MCM5: variants seen among roughly 807,000 people sequenced by gnomAD.
MCM5 encodes the protein DNA replication licensing factor MCM5.
Under a neutral mutation model 79.9 loss-of-function variants are expected in MCM5, and 46 were observed. The observed-to-expected ratio is 0.58, with a 90% CI of 0.45 to 0.74. The LOEUF (loss-of-function observed/expected upper bound fraction) is 0.74, where lower values mean the gene tolerates loss of function less well. MCM5 is among the 30% of genes least tolerant of loss of function. The pLI is 0.00. For missense variants in MCM5, 883 were observed against 1,017.0 expected (o/e 0.87, Z 1.79); for synonymous variants, 404 against 390.5 (o/e 1.03, Z -0.41).
At chr22:35,454,181 C>T in the MCM5 span, among the ~76,000 whole-genome samples, 33 of 152,250 alleles carry the variant, frequency 2.2e-4, no homozygotes, top group Admixed American at 7.8e-4. Flanking sequence ...CTCTCCCCAA[C>T]GCCTTCCCCT....
At chr22:35,410,129 C>G (rs1161774729) in intron 6 of MCM5, 2 of 157,234 alleles carry the variant, frequency 1.3e-5, no homozygotes, top group South Asian at 1.8e-4. Context: ...CGTCATCCCC[C>G]TAGGCTCAGA....
the MCM5 span, among the ~76,000 whole-genome samples, chr22:35,440,758 A>C: frequency 6.6e-6 from 1 of 152,166 alleles, no homozygotes; most frequent in Non-Finnish European, 1.5e-5. Flanking sequence ...CCCAGAGTCC[A>C]GTAAAAAGTA....
the MCM5 span, among the ~76,000 whole-genome samples, chr22:35,448,705 A>C: frequency 6.6e-6 from 1 of 152,178 alleles, no homozygotes; most frequent in Non-Finnish European, 1.5e-5. Context: ...CTATTATCAT[A>C]ATAATGCCAC....
At chr22:35,446,455 C>T in the MCM5 span, among the ~76,000 whole-genome samples, 1 of 152,146 alleles carries the variant, frequency 6.6e-6, no homozygotes, top group Non-Finnish European at 1.5e-5. Flanking sequence ...TGTCTAGTAC[C>T]CCCATCGCTG....
intron 15 of MCM5, chr22:35,422,286 G>C (rs1441035279): frequency 1.3e-5 from 2 of 153,316 alleles, no homozygotes; most frequent in African/African-American, 2.4e-5. Context: ...AAAGGAGGAC[G>C]TGCTCTTTCC....
chr22:35,403,532 G>A lies in MCM5; in HGVS notation c.413G>A (p.Arg138His), dbSNP rs140426201. Residue 138 changes from arginine (R) to histidine (H), a missense_variant, in exon 4 of 17, where the codon CGT becomes CAT. Physicochemically the swap from Arg to His is conservative, Grantham distance 29. Around this residue, in one of 3 missense-constraint regions of MCM5, gnomAD observed 455 missense variants for 517.5 expected, o/e 0.88. Transcript: ENST00000216122. ...LKSDASPSSIRSLKSDMMSHL... is the reference protein window; with the variant it reads ...LKSDASPSSIHSLKSDMMSHL... ...TCGGACGCCAGCCCTTCCAGCATTC[G>A]TAGCCTGAAGGTGGGTCGGAGGGCA... 127 of 1,613,642 alleles carry A rather than the reference G, an allele frequency of 7.9e-5. No homozygotes were observed. The highest frequency in any genetic ancestry group is 1.0e-4 in the Non-Finnish European group (121 of 1,180,030).
chr22:35,403,266 A>T lies in MCM5; in HGVS notation c.227A>T (p.Asp76Val), dbSNP rs756691015. ...GEYWIEVEMEDLASFDEDLAD... is the reference protein window; with the variant it reads ...GEYWIEVEMEVLASFDEDLAD... Reference sequence around the variant, plus strand: ...TACTGGATTGAGGTGGAGATGGAGGATCTGGCCAGCTTTGATGAGGACCTG... The same window carrying T: ...TACTGGATTGAGGTGGAGATGGAGGTTCTGGCCAGCTTTGATGAGGACCTG... The change falls in exon 3 of 17, where the codon GAT (aspartate) becomes GTT (valine). Residue 76 changes from aspartate to valine, a missense_variant. Around this residue, in one of 3 missense-constraint regions of MCM5, gnomAD observed 455 missense variants for 517.5 expected, o/e 0.88. Transcript: ENST00000216122. 1.2e-6 allele frequency: 2 copies of T among 1,614,054 alleles called. No individual in the cohort carries two copies. Among genetic ancestry groups the T allele is most frequent in the East Asian group, 2.2e-5 (1 of 44,876 alleles).
the MCM5 span, among the ~76,000 whole-genome samples, chr22:35,437,525 G>C: frequency 6.6e-6 from 1 of 152,220 alleles, no homozygotes; most frequent in South Asian, 2.1e-4. Context: ...ATCCAGCTAA[G>C]CCTGAAGGCA....
At chr22:35,431,596 T>C in the MCM5 span, among the ~76,000 whole-genome samples, 33 of 152,148 alleles carry the variant, frequency 2.2e-4, no homozygotes, top group Non-Finnish European at 2.9e-5. Context: ...CCTCCTGATA[T>C]AGGACTCATC....
the MCM5 span, among the ~76,000 whole-genome samples, chr22:35,446,700 C>T: frequency 6.6e-6 from 1 of 152,294 alleles, no homozygotes; most frequent in South Asian, 2.1e-4. Context: ...CCTCCCTCAA[C>T]TCTGCCCGCA....
chr22:35,430,942 G>A, the MCM5 span, among the ~76,000 whole-genome samples: 18 of 152,056 alleles, frequency 1.2e-4, no homozygotes, highest in African/African-American at 4.3e-4. Flanking sequence ...TGATGAATGA[G>A]GGCACTCCTC....
At chr22:35,424,041 CT>C (rs995029759) in intron 16 of MCM5, 112 bp from the exon 17 acceptor site, 14 of 667,954 alleles carry the variant, frequency 2.1e-5, no homozygotes, top group Non-Finnish European at 3.1e-5. Flanking sequence ...AGTGTGGGCC[CT>C]TTAGGTCAAA....
At chr22:35,421,709 G>A (rs1932700432) in intron 15 of MCM5, 1 of 556,954 alleles carries the variant, frequency 1.8e-6, no homozygotes, top group Non-Finnish European at 3.3e-6. Context: ...CCAGGTCATT[G>A]ATGATAACCC....
In MCM5 at chr22:35,419,874, T is replaced by C; in HGVS notation, c.1704-10T>C. 6.2e-7 allele frequency: 1 copy of C among 1,605,538 alleles called. No individual in the cohort carries two copies. The highest frequency in any genetic ancestry group is 8.5e-7 in the Non-Finnish European group (1 of 1,175,110). ...TGGCCTCACACCAGCCTCTCCCCAC[T>C]GTCCTGCAGGAAGTGTGGCCCCCGG... On this transcript the variant is annotated splice_polypyrimidine_tract_variant and intron_variant, in intron 13 of 16. Transcript: ENST00000216122.
Position 35,406,725 on chromosome 22 carries a change from C to A in MCM5, c.596C>A (p.Thr199Lys). 1 of 1,606,256 alleles carries A rather than the reference C, an allele frequency of 6.2e-7. No individual in the cohort carries two copies. Among genetic ancestry groups the A allele is most frequent in the East Asian group, 2.2e-5 (1 of 44,878 alleles). The change falls in exon 5 of 17, where the codon ACA (threonine) becomes AAA (lysine). Residue 199 changes from threonine to lysine, a missense_variant and splice_region_variant. Thr to Lys is a moderately conservative substitution (Grantham distance 78). This residue lies in a region of MCM5 where 455 missense variants were observed against 517.5 expected (regional missense o/e 0.88). Transcript: ENST00000216122. ...TATGCCCTGCCCAGGAAGTGCAACA[C>A]GTGAGTCTGTGGCCCAGAGGGACTG... ...EGYALPRKCN[T>K]DQAGRPKCPL...
intron 16 of MCM5, chr22:35,423,934 A>C: frequency 3.8e-6 from 2 of 524,762 alleles, no homozygotes; most frequent in Non-Finnish European, 6.7e-6. Flanking sequence ...GTCAGATGGG[A>C]CTTAAGTCCC....
chr22:35,446,707 C>G, the MCM5 span, among the ~76,000 whole-genome samples: 1 of 152,110 alleles, frequency 6.6e-6, no homozygotes, highest in Non-Finnish European at 1.5e-5. Context: ...CAACTCTGCC[C>G]GCAGAATTTT....
chr22:35,406,938 C>T (rs551332983), intron 5 of MCM5, among the ~76,000 whole-genome samples: 1 of 152,282 alleles, frequency 6.6e-6, no homozygotes, highest in Admixed American at 6.5e-5. Context: ...TTCTGTCTCA[C>T]CAGGATACCC....
chr22:35,404,898 C>T (rs535347888), intron 4 of MCM5, among the ~76,000 whole-genome samples: 4 of 152,158 alleles, frequency 2.6e-5, no homozygotes, highest in East Asian at 1.9e-4. Flanking sequence ...AGGAGTGGAT[C>T]GGCTGAGAAT....
Sources: gnomAD v4.1 joint callset for allele counts (sites outside exome capture counted in the v4.1 genomes callset) on GRCh38, gnomAD v4.1.1 for gene constraint, gnomAD v4.1.1 regional missense constraint, MANE v1.5 for transcripts, NCBI Gene and HGNC (gene_info 2026-07-23, HGNC 2026-07-21) for gene names.